The following CABIN1 variants were observed in gnomAD, a reference collection of about 807,000 sequenced individuals.
The protein encoded by CABIN1 is calcineurin binding protein 1.
Under a neutral mutation model 227.7 loss-of-function variants are expected in CABIN1, and 133 were observed. That is an observed-to-expected ratio of 0.58 (90% CI 0.51 to 0.67). CABIN1 has a LOEUF of 0.67. Among genes scored for constraint, CABIN1 ranks in the 30% least tolerant of loss-of-function variants. The pLI is 0.00. For missense variants in CABIN1, 2,408 were observed against 2,852.5 expected (o/e 0.84, Z 3.55); for synonymous variants, 1,086 against 1,155.1 (o/e 0.94, Z 1.21).
intron 28 of CABIN1, among the ~76,000 whole-genome samples, chr22:24,127,097 C>A (rs2043777920): frequency 6.6e-6 from 1 of 151,968 alleles, no homozygotes; most frequent in African/African-American, 2.4e-5. Flanking sequence ...AGAGACACTA[C>A]TGGGCTGATA....
chr22:24,131,917 T>C (rs1281738209), intron 28 of CABIN1, among the ~76,000 whole-genome samples: 3 of 152,048 alleles, frequency 2.0e-5, no homozygotes, highest in Non-Finnish European at 4.4e-5. Context: ...AATACAAAAA[T>C]TAGCCAGGCA....
chr22:24,030,165 A>G (rs2146812976), intron 1 of CABIN1, among the ~76,000 whole-genome samples: 1 of 152,354 alleles, frequency 6.6e-6, no homozygotes, highest in South Asian at 2.1e-4. Context: ...TTCTATGGCC[A>G]TCAGCAAACC....
At position 24,035,964 on chromosome 22, in the gene CABIN1, G is replaced by C. The variant is rs934925041; in HGVS notation, c.4-125G>C. The C allele has an allele frequency of 3.8e-5, 28 of 732,844 alleles. No individual in the cohort carries two copies. In the East Asian group the frequency reaches 5.4e-4, roughly 14 times the overall value. 45.4% of individuals were successfully genotyped at this position (732,844 alleles called of 1,614,324 possible). A position where few individuals can be genotyped will look rare whatever the true frequency, so the allele number is the denominator to read the frequency against. On this transcript the variant is annotated intron_variant, in intron 2 of 36. Transcript: ENST00000263119. ...TTTGTTCATTCCCCACATCTGAGAA[G>C]GTCATAGCTTTTCAAGGTAGAATAG...
At chr22:24,058,688 G>T (rs1222187664) in intron 10 of CABIN1, among the ~76,000 whole-genome samples, 2 of 152,194 alleles carry the variant, frequency 1.3e-5, no homozygotes, top group Admixed American at 6.5e-5. Context: ...TGCTCTTCTG[G>T]CCTGTGCCTT....
At chr22:24,144,492 A>G (rs2044984389) in intron 29 of CABIN1, among the ~76,000 whole-genome samples, 1 of 152,222 alleles carries the variant, frequency 6.6e-6, no homozygotes, top group Non-Finnish European at 1.5e-5. Context: ...CCTAGGGGAG[A>G]TGATCAGGTA....
At chr22:24,048,074 A>C (rs1359093458) in intron 6 of CABIN1, among the ~76,000 whole-genome samples, 2 of 152,258 alleles carry the variant, frequency 1.3e-5, no homozygotes, top group Non-Finnish European at 1.5e-5. Context: ...GAGTTGGCAC[A>C]GGCTTTCCAG....
rs1236175715 is a variant in CABIN1, at chr22:24,049,082, C to T, written c.527-9C>T. On this transcript the variant is annotated splice_polypyrimidine_tract_variant and intron_variant, in intron 6 of 36. Coordinates refer to ENST00000263119, the MANE Select transcript of CABIN1 (RefSeq NM_012295.4). ...CTCAGAAGTCATAAACTGTCTCTTT[C>T]CCCGCCAGCATGTCTGTACTTCATC... 6.2e-7 allele frequency: 1 copy of T among 1,613,774 alleles called. No homozygotes were observed. Among genetic ancestry groups the T allele is most frequent in the Non-Finnish European group, 8.5e-7 (1 of 1,179,916 alleles).
chr22:24,105,197 C>T (rs1480530727), intron 26 of CABIN1, among the ~76,000 whole-genome samples: 1 of 152,164 alleles, frequency 6.6e-6, no homozygotes, highest in East Asian at 1.9e-4. Flanking sequence ...TTTCCCTCTG[C>T]GTTGCCAGCT....
chr22:24,066,548 T>C (rs1183652741), intron 15 of CABIN1, among the ~76,000 whole-genome samples: 1 of 152,226 alleles, frequency 6.6e-6, no homozygotes, highest in Non-Finnish European at 1.5e-5. Context: ...CAAGTACAAG[T>C]ACAGAGCTGT....
At chr22:24,101,875 G>A (rs2042221564) in intron 26 of CABIN1, 1 of 152,940 alleles carries the variant, frequency 6.5e-6, no homozygotes, top group African/African-American at 2.4e-5. Flanking sequence ...GTATGTGTGT[G>A]TGTGTGTGTG....
At chr22:24,089,059 G>A (rs2041363810) in intron 23 of CABIN1, among the ~76,000 whole-genome samples, 1 of 152,196 alleles carries the variant, frequency 6.6e-6, no homozygotes, top group African/African-American at 2.4e-5. Flanking sequence ...GGCCTTCCTT[G>A]TAACAGCAGG....
chr22:24,169,075 G>C (rs1044828738), intron 33 of CABIN1, among the ~76,000 whole-genome samples: 3 of 152,094 alleles, frequency 2.0e-5, no homozygotes, highest in Non-Finnish European at 4.4e-5. Flanking sequence ...CTGGGGAGGG[G>C]GGGGCGGGGT....
chr22:24,100,098 A>G (rs773304119), intron 26 of CABIN1, among the ~76,000 whole-genome samples: 3 of 152,234 alleles, frequency 2.0e-5, no homozygotes, highest in Non-Finnish European at 4.4e-5. Context: ...AGCCATACAA[A>G]TAAGTTCAAA....
intron 9 of CABIN1, among the ~76,000 whole-genome samples, chr22:24,055,767 C>T (rs186444710): frequency 7.9e-5 from 12 of 152,306 alleles, no homozygotes; most frequent in African/African-American, 2.6e-4. Flanking sequence ...ACATGACATT[C>T]TTCTATTGTC....
Position 24,049,176 on chromosome 22 carries a change from G to T in CABIN1, c.612G>T (p.Glu204Asp). 6.2e-7 allele frequency: 1 copy of T among 1,614,052 alleles called. No individual in the cohort carries two copies. The highest frequency in any genetic ancestry group is 8.5e-7 in the Non-Finnish European group (1 of 1,179,978). Residue 204 changes from glutamate to aspartate, a missense_variant, in exon 7 of 37, where the codon GAG becomes GAT. By Grantham distance (45) the Glu-to-Asp change is conservative (BLOSUM62 2). Around this residue, in one of 3 missense-constraint regions of CABIN1, gnomAD observed 1,045 missense variants for 1,168.4 expected, o/e 0.89. Transcript: ENST00000263119. ...TCCTCAAGGAGAAGATTTTTGAGGA[G>T]CAGCCTTGTCTCCGGAAGGACTCTC... is the stretch of plus-strand genomic sequence containing the variant. Reference protein sequence around the residue: ...GLVLKEKIFEEQPCLRKDSLR... With the variant: ...GLVLKEKIFEDQPCLRKDSLR...
intron 26 of CABIN1, among the ~76,000 whole-genome samples, chr22:24,104,642 C>G (rs141301085): frequency 7.9e-5 from 12 of 152,284 alleles, no homozygotes; most frequent in African/African-American, 2.6e-4. Context: ...GTTTCTGGTA[C>G]CACTTTTCTT....
chr22:24,090,517 A>ATT (rs11356877), intron 23 of CABIN1, among the ~76,000 whole-genome samples: 7 of 122,374 alleles, frequency 5.7e-5, no homozygotes, highest in South Asian at 2.6e-4. Context: ...CTGTGTGGTC[A>ATT]TTTTTTTTTT....
intron 1 of CABIN1, among the ~76,000 whole-genome samples, chr22:24,021,981 G>A (rs1017608880): frequency 2.6e-5 from 4 of 152,154 alleles, no homozygotes; most frequent in Admixed American, 1.3e-4. Flanking sequence ...CACCGTGCCC[G>A]GCCAGCATAT....
At chr22:24,114,165 A>C (rs1370562834) in intron 27 of CABIN1, among the ~76,000 whole-genome samples, 1 of 152,162 alleles carries the variant, frequency 6.6e-6, no homozygotes, top group Non-Finnish European at 1.5e-5. Context: ...GAATCATATG[A>C]GGTCTTCAGG....
Sources: allele counts gnomAD v4.1 joint callset (sites outside exome capture counted in the v4.1 genomes callset), GRCh38; gene constraint gnomAD v4.1.1; regional missense constraint gnomAD v4.1.1; transcripts MANE v1.5; gene names NCBI Gene and HGNC (gene_info 2026-07-23, HGNC 2026-07-21).